BICC1: variants seen among roughly 807,000 people sequenced by gnomAD.
BICC1 encodes BicC family RNA binding protein 1, also known as protein bicaudal C homolog 1.
BICC1 carries 43 observed loss-of-function variants against 111.0 expected under a neutral mutation model. That is an observed-to-expected ratio of 0.39 (90% confidence interval 0.30 to 0.50). The LOEUF (loss-of-function observed/expected upper bound fraction) is 0.50. Among genes scored for constraint, BICC1 ranks in the 20% least tolerant of loss-of-function variants. The pLI is 0.88. For missense variants in BICC1, 1,091 were observed against 1,203.2 expected, an observed-to-expected ratio of 0.91 and a Z score of 1.38; for synonymous variants, 467 against 434.4, an observed-to-expected ratio of 1.07 and a Z score of -0.93.
intron 1 of BICC1, among the ~76,000 whole-genome samples, chr10:58,610,283 C>T (rs1845373559): frequency 6.6e-6 from 1 of 152,052 alleles, no homozygotes; most frequent in African/African-American, 2.4e-5. Flanking sequence ...TCTGTTGTGC[C>T]CTGAGTGTGA....
intron 2 of BICC1, among the ~76,000 whole-genome samples, chr10:58,653,206 A>G (rs926138754): frequency 4.6e-5 from 7 of 152,310 alleles, no homozygotes; most frequent in Non-Finnish European, 7.4e-5. Context: ...GGTAGCTGCC[A>G]TATTTCACAA....
At chr10:58,552,913 G>A (rs1345626113) in intron 1 of BICC1, among the ~76,000 whole-genome samples, 4 of 152,068 alleles carry the variant, frequency 2.6e-5, no homozygotes, top group Admixed American at 2.6e-4. Flanking sequence ...TTCCACGTAG[G>A]CATGGGCTTT....
chr10:58,523,720 A>G (rs938418105), intron 1 of BICC1, among the ~76,000 whole-genome samples: 5 of 152,130 alleles, frequency 3.3e-5, no homozygotes, highest in African/African-American at 1.2e-4. Context: ...CAGGCAGGAG[A>G]AAGAAAGAAA....
chr10:58,650,924 T>G (rs1011937816), intron 2 of BICC1: 2 of 152,148 alleles, frequency 1.3e-5, no homozygotes, highest in African/African-American at 4.8e-5. Context: ...GCAGTCAGTC[T>G]TTGAAAATTT....
In BICC1 at chr10:58,657,646, C is replaced by T. The variant is rs935607585; in HGVS notation, c.237+36745C>T. ...TTCAAGATTCAGGATTCAAAATGTA[C>T]AAAGGGGTATATATAATGTTAAAAG... On this transcript the variant is annotated intron_variant, in intron 2 of 20. Coordinates refer to ENST00000373886, the MANE Select transcript of BICC1 (RefSeq NM_001080512.3). Among the ~76,000 whole-genome samples the T allele has an allele frequency of 2.0e-5, 3 of 152,148 alleles. No individual in the cohort carries two copies. In the East Asian group the frequency reaches 5.8e-4, roughly 29 times the overall value.
chr10:58,689,046 A>C (rs994675795), intron 2 of BICC1, among the ~76,000 whole-genome samples: 4 of 152,194 alleles, frequency 2.6e-5, no homozygotes, highest in African/African-American at 4.8e-5. Context: ...ACAACAACAA[A>C]AAACAAGAAA....
chr10:58,713,801 CTT>C (rs1840650726), intron 3 of BICC1, among the ~76,000 whole-genome samples: 2 of 152,216 alleles, frequency 1.3e-5, no homozygotes, highest in South Asian at 2.1e-4. Context: ...AGACCTCTGT[CTT>C]TTAAAAATGT....
Position 58,801,008 on chromosome 10 carries a change from A to C in BICC1, c.1977A>C (p.Thr659=), listed in dbSNP as rs758233946. Residue 659 remains threonine (T), a synonymous_variant, in exon 14 of 21, where the codon ACA becomes ACC. Transcript: ENST00000373886. ...PSKVSCAKRQ[T]VELLQGTKNS... ...AGGTTTCCTGTGCCAAAAGGCAGAC[A>C]GTGGAACTATTGCAAGGCACGAAAA... 1.2e-6 allele frequency: 2 copies of C among 1,612,152 alleles called. No individual in the cohort carries two copies. The highest frequency in any genetic ancestry group is 1.7e-6 in the Non-Finnish European group (2 of 1,179,158).
At chr10:58,723,287 T>C (rs1840996073) in intron 3 of BICC1, among the ~76,000 whole-genome samples, 1 of 152,154 alleles carries the variant, frequency 6.6e-6, no homozygotes, top group Non-Finnish European at 1.5e-5. Context: ...CTTTCCTCAG[T>C]CTGTTTGGAG....
At chr10:58,787,676 G>A (rs1489194776) in intron 5 of BICC1, among the ~76,000 whole-genome samples, 2 of 152,202 alleles carry the variant, frequency 1.3e-5, no homozygotes, top group Non-Finnish European at 1.5e-5. Flanking sequence ...ACTAGAAACT[G>A]TCAGCCACAA....
At position 58,785,510 on chromosome 10, in the gene BICC1, G is replaced by A. The variant is rs193172738; in HGVS notation, c.387+430G>A. ...TTCTATATAGCTCTGTGTTGGGTGTGTGTAATGGCATGAAATTTGTTGCTT... is the reference window on the plus strand; with the variant it reads ...TTCTATATAGCTCTGTGTTGGGTGTATGTAATGGCATGAAATTTGTTGCTT... On this transcript the variant is annotated intron_variant, in intron 4 of 20. Transcript: ENST00000373886. 1.3e-4 allele frequency among the ~76,000 whole-genome samples: 20 copies of A among 152,202 alleles called. 1 individual carries two copies. The Middle Eastern group carries it at 0.01, about 78-fold the overall frequency.
At chr10:58,632,335 C>T (rs915149012) in intron 2 of BICC1, among the ~76,000 whole-genome samples, 2 of 152,280 alleles carry the variant, frequency 1.3e-5, no homozygotes, top group Middle Eastern at 3.4e-3. Context: ...ATTCATGAGA[C>T]ATTATTGCCC....
At chr10:58,798,325 G>T in intron 10 of BICC1, 74 bp from the exon 11 acceptor site, 1 of 1,118,816 alleles carries the variant, frequency 8.9e-7, no homozygotes. Context: ...CATTCCCAAT[G>T]GCAATATTGG....
chr10:58,616,220 G>T (rs977070007), intron 1 of BICC1, among the ~76,000 whole-genome samples: 2 of 152,162 alleles, frequency 1.3e-5, no homozygotes, highest in Admixed American at 6.5e-5. Context: ...GAGACCGAGG[G>T]GTCTGCTCCA....
chr10:58,793,043 A>G (rs978101796), intron 8 of BICC1, among the ~76,000 whole-genome samples: 1 of 152,224 alleles, frequency 6.6e-6, no homozygotes, highest in African/African-American at 2.4e-5. Context: ...AGTCTGGGCT[A>G]AAATGTGGAA....
At chr10:58,777,278 A>G (rs1026317334) in intron 3 of BICC1, among the ~76,000 whole-genome samples, 2 of 151,966 alleles carry the variant, frequency 1.3e-5, no homozygotes, top group East Asian at 1.9e-4. Flanking sequence ...CATATGCACA[A>G]TTTACCTCTT....
At chr10:58,610,367 T>C (rs575634802) in intron 1 of BICC1, among the ~76,000 whole-genome samples, 3 of 152,234 alleles carry the variant, frequency 2.0e-5, no homozygotes, top group Non-Finnish European at 2.9e-5. Context: ...TGTGAAAAAA[T>C]GCCTTGCAAT....
intron 2 of BICC1, among the ~76,000 whole-genome samples, chr10:58,657,936 C>T (rs748483791): frequency 2.0e-5 from 3 of 152,126 alleles, no homozygotes; most frequent in Non-Finnish European, 4.4e-5. Context: ...AGTGAATTTT[C>T]AACCATTTGC....
chr10:58,807,293 T>A, intron 17 of BICC1, 135 bp downstream of exon 17: 2 of 759,236 alleles, frequency 2.6e-6, no homozygotes, highest in Non-Finnish European at 4.1e-6. Flanking sequence ...TCTATTCTTG[T>A]AAACACACTG....
Sources: gnomAD v4.1 joint callset for allele counts (sites outside exome capture counted in the v4.1 genomes callset) on GRCh38, gnomAD v4.1.1 for gene constraint, MANE v1.5 for transcripts, NCBI Gene and HGNC (gene_info 2026-07-23, HGNC 2026-07-21) for gene names.